Variants in CLASP1 observed in about 807,000 individuals in gnomAD.
CLASP1 encodes the protein cytoplasmic linker associated protein 1, also known as CLIP-associating protein 1.
CLASP1 carries 38 observed loss-of-function variants against 192.3 expected under a neutral mutation model. The observed-to-expected ratio is 0.20, with a 90% CI of 0.15 to 0.26. CLASP1 has a LOEUF of 0.26. Ranked by LOEUF, CLASP1 falls within the 10% of genes least tolerant of loss-of-function variation. The pLI is 1.00. For synonymous variants in CLASP1, 691 were observed against 712.8 expected, an observed-to-expected ratio of 0.97 and a Z score of 0.49; for missense variants, 1,433 against 1,932.5, an observed-to-expected ratio of 0.74 and a Z score of 4.85.
intron 2 of CLASP1, among the ~76,000 whole-genome samples, chr2:121,596,362 A>G (rs2063143402): frequency 6.6e-6 from 1 of 152,250 alleles, no homozygotes; most frequent in South Asian, 2.1e-4. Flanking sequence ...AAGATGTGTC[A>G]CTTGGTGGCA....
chr2:121,624,986 T>C (rs1047214342), intron 1 of CLASP1, among the ~76,000 whole-genome samples: 6 of 152,224 alleles, frequency 3.9e-5, no homozygotes, highest in African/African-American at 1.4e-4. Flanking sequence ...TTCCTTCTGT[T>C]ATTGATATCT....
chr2:121,455,964 G>C (rs1056418983), intron 14 of CLASP1, among the ~76,000 whole-genome samples: 2 of 152,130 alleles, frequency 1.3e-5, no homozygotes, highest in Non-Finnish European at 2.9e-5. Context: ...CAAAATGTCA[G>C]GTAGATAGGA....
chr2:121,450,323 T>C (rs891852087), intron 16 of CLASP1, among the ~76,000 whole-genome samples: 1 of 148,720 alleles, frequency 6.7e-6, no homozygotes, highest in African/African-American at 2.5e-5. Flanking sequence ...AAAATGAGAC[T>C]CTATCTCAAA....
At chr2:121,380,772 C>G (rs1416062094) in intron 33 of CLASP1, among the ~76,000 whole-genome samples, 1 of 152,220 alleles carries the variant, frequency 6.6e-6, no homozygotes, top group African/African-American at 2.4e-5. Context: ...GTAAAAGTCT[C>G]TAGTCAACTA....
chr2:121,355,833 G>A (rs1053489834), intron 37 of CLASP1, among the ~76,000 whole-genome samples: 2 of 152,184 alleles, frequency 1.3e-5, no homozygotes, highest in African/African-American at 4.8e-5. Context: ...AAAGAGGACA[G>A]GATCAAAAAG....
At chr2:121,384,924 T>C (rs1049434417) in intron 32 of CLASP1, among the ~76,000 whole-genome samples, 1 of 152,118 alleles carries the variant, frequency 6.6e-6, no homozygotes, top group Non-Finnish European at 1.5e-5. Context: ...AAACAAATAA[T>C]TGGTAATAGC....
chr2:121,631,863 A>G (rs551890901), intron 1 of CLASP1, among the ~76,000 whole-genome samples: 52 of 151,488 alleles, frequency 3.4e-4, no homozygotes, highest in African/African-American at 1.2e-3. Flanking sequence ...CCTGGTCAAC[A>G]TGGTGAAACC....
At chr2:121,468,842 A>C (rs2090145207) in intron 9 of CLASP1, among the ~76,000 whole-genome samples, 1 of 151,986 alleles carries the variant, frequency 6.6e-6, no homozygotes, top group South Asian at 2.1e-4. Flanking sequence ...TCTGAGGCCT[A>C]CTTCTGTCAT....
intron 22 of CLASP1, among the ~76,000 whole-genome samples, chr2:121,420,132 G>GGA (rs566284472): frequency 5.8e-4 from 85 of 146,604 alleles, no homozygotes; most frequent in African/African-American, 2.0e-3. Flanking sequence ...ACTGCTCAGG[G>GGA]AAAAAAAAAA....
At chr2:121,615,506 A>G (rs2066301737) in intron 1 of CLASP1, among the ~76,000 whole-genome samples, 1 of 152,136 alleles carries the variant, frequency 6.6e-6, no homozygotes, top group Non-Finnish European at 1.5e-5. Context: ...GGTTAAAAAA[A>G]CAAAAACAGG....
intron 34 of CLASP1, among the ~76,000 whole-genome samples, chr2:121,376,573 T>C (rs2070258346): frequency 6.6e-6 from 1 of 151,888 alleles, no homozygotes; most frequent in South Asian, 2.1e-4. Context: ...AGCTGCAAAA[T>C]TGCAGCTAGG....
At chr2:121,596,205 T>C in intron 2 of CLASP1, among the ~76,000 whole-genome samples, 1 of 152,270 alleles carries the variant, frequency 6.6e-6, no homozygotes, top group African/African-American at 2.4e-5. Context: ...TAAGGTTTTT[T>C]GCTTTTGCTT....
chr2:121,565,606 C>T (rs532235581), intron 2 of CLASP1, among the ~76,000 whole-genome samples: 1 of 152,348 alleles, frequency 6.6e-6, no homozygotes, highest in East Asian at 1.9e-4. Context: ...GCTCATCCCT[C>T]CCTTGGCAGG....
At chr2:121,631,272 G>A (rs759866971) in intron 1 of CLASP1, among the ~76,000 whole-genome samples, 5 of 145,948 alleles carry the variant, frequency 3.4e-5, no homozygotes, top group South Asian at 2.2e-4. Flanking sequence ...ATGTTTCTAC[G>A]CCATTTTAAA....
intron 25 of CLASP1, among the ~76,000 whole-genome samples, chr2:121,405,976 G>A (rs1327259656): frequency 6.6e-6 from 1 of 152,164 alleles, no homozygotes; most frequent in Non-Finnish European, 1.5e-5. Flanking sequence ...GCCCATCTAT[G>A]ACCGTTAACT....
intron 9 of CLASP1, among the ~76,000 whole-genome samples, chr2:121,468,286 T>C (rs1259766694): frequency 6.6e-6 from 1 of 152,234 alleles, no homozygotes; most frequent in Non-Finnish European, 1.5e-5. Context: ...TTTGGTTCTA[T>C]ATGGATTTTA....
chr2:121,462,308 C>G (rs2088242750), intron 10 of CLASP1, among the ~76,000 whole-genome samples: 1 of 151,902 alleles, frequency 6.6e-6, no homozygotes, highest in African/African-American at 2.4e-5. Flanking sequence ...GATCCATAAA[C>G]TTAATAATAG....
chr2:121,348,413 G>A (rs992884498), intron 38 of CLASP1, 99 bp downstream of exon 39: 27 of 1,109,908 alleles, frequency 2.4e-5, no homozygotes, highest in Admixed American at 2.4e-4. Context: ...TTTCCTACCC[G>A]TCCCTGCCAG....
At chr2:121,523,515 CA>C (rs1248695335) in intron 6 of CLASP1, among the ~76,000 whole-genome samples, 3 of 152,172 alleles carry the variant, frequency 2.0e-5, no homozygotes, top group African/African-American at 7.2e-5. Context: ...CAGAAAACTT[CA>C]GAGAAAAGGA....
Sources: allele counts gnomAD v4.1 joint callset (sites outside exome capture counted in the v4.1 genomes callset), GRCh38; gene constraint gnomAD v4.1.1; transcripts MANE v1.5; gene names NCBI Gene and HGNC (gene_info 2026-07-23, HGNC 2026-07-21).